The following CPSF3 variants were observed in gnomAD, a reference collection of about 807,000 sequenced individuals.
CPSF3 encodes cleavage and polyadenylation specific factor 3.
A neutral mutation model predicts 84.1 loss-of-function variants in CPSF3; 57 were observed. The ratio of observed to expected loss-of-function variants is 0.68; its 90% CI spans 0.55 to 0.85. The LOEUF (loss-of-function observed/expected upper bound fraction) is 0.85, where lower values mean the gene tolerates loss of function less well. CPSF3 is among the 40% of genes least tolerant of loss of function. CPSF3 has a pLI of 0.00. For missense variants in CPSF3, 522 were observed against 838.8 expected (o/e 0.62, Z 4.66); for synonymous variants, 275 against 278.1 (o/e 0.99, Z 0.11).
chr2:9,467,581 G>T, intron 15 of CPSF3, 126 bp from the exon 16 acceptor site: 1 of 555,434 alleles, frequency 1.8e-6, no homozygotes, highest in South Asian at 3.0e-5. Flanking sequence ...ATCCCTGCTT[G>T]TCACTTTAAG....
In CPSF3 at chr2:9,472,765, A is replaced by C. The variant is rs1682222215; in HGVS notation, c.1954-151A>C. 6.0e-6 allele frequency: 4 copies of C among 665,738 alleles called. No individual in the cohort carries two copies. The Admixed American group carries it at 8.5e-5, about 14-fold the overall frequency. 41.2% of individuals were successfully genotyped at this position (665,738 alleles called of 1,614,324 possible). A position where few individuals can be genotyped will look rare whatever the true frequency, so the allele number is the denominator to read the frequency against. On this transcript the variant is annotated intron_variant, in intron 17 of 17. Coordinates refer to ENST00000238112, the MANE Select transcript of CPSF3 (RefSeq NM_016207.4). The stretch of plus-strand genomic sequence containing the variant: ...ACCTTCCCGGCTCAGTGATCCTCCC[A>C]CCTCAGACTCTTATCTGGGACCACA...
chr2:9,439,181 A>T (rs1436572049), intron 7 of CPSF3, among the ~76,000 whole-genome samples: 2 of 152,260 alleles, frequency 1.3e-5, no homozygotes, highest in Non-Finnish European at 2.9e-5. Flanking sequence ...AAATGGAAGA[A>T]TAACATTCAC....
At chr2:9,464,535 T>G (rs1013225426) in intron 15 of CPSF3, among the ~76,000 whole-genome samples, 1 of 152,022 alleles carries the variant, frequency 6.6e-6, no homozygotes, top group Admixed American at 6.6e-5. Flanking sequence ...ATAGTTTTCT[T>G]GGCTAGCACC....
chr2:9,460,297 C>T (rs1302191818), intron 15 of CPSF3, among the ~76,000 whole-genome samples: 11 of 152,174 alleles, frequency 7.2e-5, no homozygotes, highest in East Asian at 1.9e-4. Flanking sequence ...GGCATGGTGG[C>T]GGGCACCTGT....
chr2:9,434,750 C>G (rs369147954), intron 6 of CPSF3, among the ~76,000 whole-genome samples: 1 of 152,292 alleles, frequency 6.6e-6, no homozygotes, highest in African/African-American at 2.4e-5. Flanking sequence ...TACAGAAGCT[C>G]TTTGGGGGCA....
chr2:9,456,805 A>G, intron 13 of CPSF3, 128 bp from the exon 14 acceptor site: 1 of 540,378 alleles, frequency 1.9e-6, no homozygotes, highest in Non-Finnish European at 3.3e-6. Context: ...AAAATTGACT[A>G]TACAAATGAG....
intron 15 of CPSF3, among the ~76,000 whole-genome samples, chr2:9,462,887 C>G (rs1264027633): frequency 1.3e-5 from 2 of 152,172 alleles, no homozygotes; most frequent in African/African-American, 2.4e-5. Flanking sequence ...AGCATTTGTT[C>G]AGCTGGCTGG....
At chr2:9,455,850 T>C in intron 13 of CPSF3, 93 bp downstream of exon 13, 1 of 875,644 alleles carries the variant, frequency 1.1e-6, no homozygotes, top group Non-Finnish European at 1.8e-6. Flanking sequence ...ATTTTGATAA[T>C]TGTCTCAGAA....
At chr2:9,472,130 A>G (rs1230105997) in intron 17 of CPSF3, among the ~76,000 whole-genome samples, 4 of 151,888 alleles carry the variant, frequency 2.6e-5, no homozygotes, top group Non-Finnish European at 5.9e-5. Flanking sequence ...CCTGGCCAAC[A>G]TGATGAAACC....
At position 9,455,725 on chromosome 2, in the gene CPSF3, A is replaced by AT. The variant is rs766282061; in HGVS notation, c.1574dup (p.Leu525PhefsTer12). 6.2e-7 allele frequency: 1 copy of AT among 1,613,874 alleles called. No individual in the cohort carries two copies. The highest frequency in any genetic ancestry group is 1.1e-5 in the South Asian group (1 of 91,062). On this transcript the variant is annotated frameshift_variant, in exon 13 of 18. Transcript: ENST00000238112. LOFTEE classifies it high-confidence loss of function. ...GCCATTCCATATACTGGTCCCTTTA[A>AT]TTTGCTCTGTTACCAGCTGCAGAAA...
At position 9,448,352 on chromosome 2, in the gene CPSF3, T is replaced by C; in HGVS notation, c.1395+2T>C. 6.2e-7 allele frequency: 1 copy of C among 1,609,736 alleles called. No homozygotes were observed. The highest frequency in any genetic ancestry group is 8.5e-7 in the Non-Finnish European group (1 of 1,177,738). ...TTCAGAGGAGAAAAACTAGCCAAGG[T>C]AAAAGGTTATGGTTCCTGTCTGTCC... is the stretch of plus-strand genomic sequence containing the variant. On this transcript the variant is annotated splice_donor_variant, in intron 11 of 17. Transcript: ENST00000238112. LOFTEE classifies it high-confidence loss of function.
At chr2:9,441,691 A>C (rs1572779512) in intron 8 of CPSF3, 127 bp from the exon 9 acceptor site, 2 of 939,034 alleles carry the variant, frequency 2.1e-6, no homozygotes, top group East Asian at 5.3e-5. Flanking sequence ...AAATGTTTAC[A>C]GATCTTGTGA....
chr2:9,436,715 G>C (rs1156719389), intron 7 of CPSF3, among the ~76,000 whole-genome samples: 1 of 151,326 alleles, frequency 6.6e-6, no homozygotes, highest in East Asian at 1.9e-4. Context: ...AGGTTGTAGT[G>C]AGCCGAGATT....
chr2:9,449,576 T>C (rs1359480843), intron 11 of CPSF3, among the ~76,000 whole-genome samples: 2 of 151,974 alleles, frequency 1.3e-5, no homozygotes, highest in Non-Finnish European at 2.9e-5. Context: ...ACCCAGTCTC[T>C]ACGAAAAATA....
intron 15 of CPSF3, among the ~76,000 whole-genome samples, chr2:9,464,973 C>T (rs1260250723): frequency 2.0e-5 from 3 of 152,114 alleles, no homozygotes; most frequent in African/African-American, 7.2e-5. Flanking sequence ...GCAGTCTTCC[C>T]TTCTCAGCCT....
chr2:9,457,693 G>A (rs1375703935), intron 14 of CPSF3, among the ~76,000 whole-genome samples: 1 of 152,006 alleles, frequency 6.6e-6, no homozygotes, highest in Non-Finnish European at 1.5e-5. Context: ...TATGCCCCAA[G>A]GTAGAATTGT....
At chr2:9,461,951 G>A (rs760784430) in intron 15 of CPSF3, among the ~76,000 whole-genome samples, 12 of 152,010 alleles carry the variant, frequency 7.9e-5, no homozygotes, top group Non-Finnish European at 1.5e-4. Context: ...TAGTAGGGAC[G>A]GGGTTTCTCC....
intron 15 of CPSF3, among the ~76,000 whole-genome samples, chr2:9,460,297 C>A (rs1302191818): frequency 6.6e-6 from 1 of 152,056 alleles, no homozygotes; most frequent in Non-Finnish European, 1.5e-5. Context: ...GGCATGGTGG[C>A]GGGCACCTGT....
intron 8 of CPSF3, 55 bp downstream of exon 8, chr2:9,440,721 A>G (rs963035575): frequency 2.5e-6 from 4 of 1,575,142 alleles, no homozygotes; most frequent in Non-Finnish European, 3.5e-6. Context: ...AGTCATTAGT[A>G]GTAGGAGGTA....
Sources: allele counts gnomAD v4.1 joint callset (sites outside exome capture counted in the v4.1 genomes callset), GRCh38; gene constraint gnomAD v4.1.1; transcripts MANE v1.5; gene names NCBI Gene and HGNC (gene_info 2026-07-23, HGNC 2026-07-21).